Variants in CAMK4 observed in about 807,000 individuals in gnomAD.
The protein encoded by CAMK4 is calcium/calmodulin-dependent protein kinase type IV.
A neutral mutation model predicts 44.9 loss-of-function variants in CAMK4; 22 were observed. That is an observed-to-expected ratio of 0.49 (90% CI 0.35 to 0.70). The LOEUF (loss-of-function observed/expected upper bound fraction) is 0.70. Ranked by LOEUF, CAMK4 falls within the 30% of genes least tolerant of loss-of-function variation. CAMK4 has a pLI of 0.01. For missense variants in CAMK4, 498 were observed against 586.8 expected, an observed-to-expected ratio of 0.85 and a Z score of 1.56; for synonymous variants, 218 against 215.4, an observed-to-expected ratio of 1.01 and a Z score of -0.11.
intron 5 of CAMK4, among the ~76,000 whole-genome samples, chr5:111,401,740 T>TG (rs1253381348): frequency 6.6e-6 from 1 of 152,164 alleles, no homozygotes; most frequent in Non-Finnish European, 1.5e-5. Flanking sequence ...TAAGTTATTG[T>TG]GTGTGGAGGA....
chr5:111,329,957 A>T, intron 1 of CAMK4, among the ~76,000 whole-genome samples: 1 of 151,680 alleles, frequency 6.6e-6, no homozygotes, highest in East Asian at 1.9e-4. Context: ...TGCTCCCACT[A>T]CTTCAATAGA....
At chr5:111,328,757 T>C (rs1367262616) in intron 1 of CAMK4, among the ~76,000 whole-genome samples, 3 of 152,072 alleles carry the variant, frequency 2.0e-5, no homozygotes, top group Non-Finnish European at 2.9e-5. Flanking sequence ...CTAGGTATTT[T>C]ATTCTCCTTG....
intron 1 of CAMK4, chr5:111,302,686 C>G (rs1157049220): frequency 2.2e-5 from 1 of 46,218 alleles, no homozygotes; most frequent in African/African-American, 1.3e-4. Context: ...CCGCCATTGC[C>G]CAGGCTTGCT....
At chr5:111,350,423 G>C (rs1400103815) in intron 2 of CAMK4, among the ~76,000 whole-genome samples, 1 of 151,906 alleles carries the variant, frequency 6.6e-6, no homozygotes, top group South Asian at 2.1e-4. Context: ...GAGTACTTTT[G>C]AAATTACTGC....
intron 5 of CAMK4, among the ~76,000 whole-genome samples, chr5:111,431,306 A>G (rs572116760): frequency 6.6e-6 from 1 of 152,308 alleles, no homozygotes; most frequent in African/African-American, 2.4e-5. Flanking sequence ...CTGGATATCC[A>G]TATGCAAAAG....
intron 2 of CAMK4, among the ~76,000 whole-genome samples, chr5:111,371,332 GCCC>G (rs1750997354): frequency 6.6e-6 from 1 of 152,126 alleles, no homozygotes; most frequent in East Asian, 1.9e-4. Context: ...TTTAGAATAA[GCCC>G]ACTGTTTTAA....
intron 5 of CAMK4, among the ~76,000 whole-genome samples, chr5:111,400,618 A>T (rs1752189199): frequency 6.6e-6 from 1 of 152,174 alleles, no homozygotes; most frequent in Non-Finnish European, 1.5e-5. Flanking sequence ...TCTGACTTTA[A>T]CCTTGCTCCT....
intron 1 of CAMK4, among the ~76,000 whole-genome samples, chr5:111,260,903 C>G (rs72780334): frequency 0.021 from 3,132 of 152,278 alleles, 50 homozygotes; most frequent in Middle Eastern, 0.048. Flanking sequence ...CATTGATTAT[C>G]TTTTATCCTC....
At chr5:111,466,789 A>G (rs1387906694) in intron 7 of CAMK4, among the ~76,000 whole-genome samples, 1 of 152,146 alleles carries the variant, frequency 6.6e-6, no homozygotes, top group Non-Finnish European at 1.5e-5. Flanking sequence ...TACAAATTCA[A>G]TACAATTCCC....
At chr5:111,470,955 A>G (rs758258239) in intron 7 of CAMK4, among the ~76,000 whole-genome samples, 13 of 152,148 alleles carry the variant, frequency 8.5e-5, no homozygotes, top group Non-Finnish European at 1.9e-4. Flanking sequence ...TTGAGCATCC[A>G]AAAAAACCAT....
In CAMK4 at chr5:111,224,497, C is replaced by T. The variant is rs770093750; in HGVS notation, c.14C>T (p.Thr5Met). Residue 5 changes from threonine (T) to methionine (M), a missense_variant, in exon 1 of 11, where the codon ACG becomes ATG. Physicochemically the swap from Thr to Met is moderately conservative, Grantham distance 81. Coordinates refer to ENST00000282356, the MANE Select transcript of CAMK4 (RefSeq NM_001744.6). The surrounding 1 kb of genome is among the most constrained non-coding windows in gnomAD (Gnocchi z 5.7). ...CCCGCTGCGAAGATGCTCAAAGTCA[C>T]GGTGCCCTCCTGCTCCGCCTCGTCC... MLKVTVPSCSASSCS... is the reference protein window; with the variant it reads MLKVMVPSCSASSCS... 1 of 1,605,424 alleles carries T rather than the reference C, an allele frequency of 6.2e-7. No individual in the cohort carries two copies. Among genetic ancestry groups the T allele is most frequent in the Non-Finnish European group, 8.5e-7 (1 of 1,177,348 alleles).
At chr5:111,355,201 T>G in intron 2 of CAMK4, among the ~76,000 whole-genome samples, 1 of 152,134 alleles carries the variant, frequency 6.6e-6, no homozygotes. Context: ...AAGTGAAACT[T>G]CTTCAAGGAT....
chr5:111,224,423 G>C lies in CAMK4; in HGVS notation c.-61G>C, dbSNP rs886777897. The stretch of plus-strand genomic sequence containing the variant: ...CGTTCGCAGGCGGCGGCTGGCGGCC[G>C]GCTTCTCGCTCGGGCAGCGGCGGCG... On this transcript the variant is annotated 5_prime_UTR_variant, in exon 1 of 11. Coordinates refer to ENST00000282356, the MANE Select transcript of CAMK4 (RefSeq NM_001744.6). This position sits in a 1 kb window ranked among gnomAD's most constrained non-coding sequence, Gnocchi z 5.7. The C allele has an allele frequency of 1.8e-5, 27 of 1,507,038 alleles. No individual in the cohort carries two copies. Among genetic ancestry groups the C allele is most frequent in the Non-Finnish European group, 2.1e-5 (24 of 1,132,156 alleles). 93.4% of individuals were successfully genotyped at this position (1,507,038 alleles called of 1,614,324 possible). A position where few individuals can be genotyped will look rare whatever the true frequency, so the allele number is the denominator to read the frequency against.
At chr5:111,277,612 GC>G (rs1750821881) in intron 1 of CAMK4, 1 of 152,120 alleles carries the variant, frequency 6.6e-6, no homozygotes, top group Non-Finnish European at 1.5e-5. Context: ...ATGTTACTTT[GC>G]AACCAATATA....
At chr5:111,384,085 T>C (rs1751512314) in intron 4 of CAMK4, among the ~76,000 whole-genome samples, 2 of 152,102 alleles carry the variant, frequency 1.3e-5, no homozygotes, top group Admixed American at 1.3e-4. Flanking sequence ...GGGAAATTGA[T>C]CTCCTAATAT....
intron 1 of CAMK4, among the ~76,000 whole-genome samples, chr5:111,298,330 T>C (rs758020887): frequency 9.2e-5 from 14 of 152,172 alleles, no homozygotes; most frequent in Non-Finnish European, 1.6e-4. Flanking sequence ...TAATGCACAA[T>C]ACACTTAATT....
At chr5:111,475,267 T>G (rs1207114877) in intron 8 of CAMK4, among the ~76,000 whole-genome samples, 3 of 152,158 alleles carry the variant, frequency 2.0e-5, no homozygotes, top group African/African-American at 7.2e-5. Flanking sequence ...GCCCCTAAAG[T>G]ATAAATATAC....
intron 1 of CAMK4, among the ~76,000 whole-genome samples, chr5:111,234,736 A>G (rs538751845): frequency 6.6e-6 from 1 of 152,318 alleles, no homozygotes; most frequent in East Asian, 1.9e-4. Context: ...TTTACCAGGT[A>G]CCGAAATATT....
At chr5:111,329,433 A>G (rs1243930282) in intron 1 of CAMK4, among the ~76,000 whole-genome samples, 1 of 150,882 alleles carries the variant, frequency 6.6e-6, no homozygotes, top group African/African-American at 2.4e-5. Context: ...AGAGGAAGTC[A>G]AATTGTCCCT....
Sources: allele counts gnomAD v4.1 joint callset (sites outside exome capture counted in the v4.1 genomes callset), GRCh38; gene constraint gnomAD v4.1.1; non-coding constraint Gnocchi (gnomAD v3.1); transcripts MANE v1.5; gene names NCBI Gene and HGNC (gene_info 2026-07-23, HGNC 2026-07-21).